The following WWOX variants were observed in gnomAD, a reference collection of about 807,000 sequenced individuals.
WWOX encodes WW domain containing oxidoreductase.
In WWOX, 69 loss-of-function variants were observed where a neutral mutation model predicts 46.2. The observed-to-expected ratio is 1.49, with a 90% CI of 1.23 to 1.82. WWOX has a LOEUF of 1.82. Ranked by LOEUF, WWOX falls within the 40% of genes most tolerant of loss-of-function variation. The pLI is 0.00. For synonymous variants in WWOX, 359 were observed against 202.6 expected, an observed-to-expected ratio of 1.77 and a Z score of -6.56; for missense variants, 919 against 542.6, an observed-to-expected ratio of 1.69 and a Z score of -6.89.
At position 79,052,605 on chromosome 16, in the gene WWOX, G is replaced by A. The variant is rs563589836; in HGVS notation, c.1057-159003G>A. Among the ~76,000 whole-genome samples the A allele has an allele frequency of 9.2e-5, 14 of 152,316 alleles. 3 individuals are homozygous for A. Among genetic ancestry groups the A allele is most frequent in the African/African-American group, 3.4e-4 (14 of 41,572 alleles). On this transcript the variant is annotated intron_variant, in intron 8 of 8. Coordinates refer to ENST00000566780, the MANE Select transcript of WWOX (RefSeq NM_016373.4). ...TCTTTTAAAAAGTTCTAAGTTGCTA[G>A]CCAGTCGGAACAAATACAGAATGTG... is the stretch of plus-strand genomic sequence containing the variant.
At chr16:78,531,187 A>G (rs957136109) in intron 8 of WWOX, among the ~76,000 whole-genome samples, 9 of 152,188 alleles carry the variant, frequency 5.9e-5, no homozygotes, top group South Asian at 2.1e-4. Flanking sequence ...CAGAGGTCTC[A>G]ATTTGCCTTT....
chr16:78,356,288 A>AGT (rs1490846051), intron 5 of WWOX, among the ~76,000 whole-genome samples: 1 of 150,988 alleles, frequency 6.6e-6, no homozygotes, highest in African/African-American at 2.4e-5. Context: ...TTCTTTTTCT[A>AGT]GTGTGTGTGT....
chr16:78,411,703 A>ATTCT (rs2082684952), intron 6 of WWOX, among the ~76,000 whole-genome samples: 1 of 152,234 alleles, frequency 6.6e-6, no homozygotes, highest in Non-Finnish European at 1.5e-5. Context: ...ATTCATAAAA[A>ATTCT]GTCAAGTGGG....
rs147877294 is a variant in WWOX at position 78,804,397 on chromosome 16, A to T, written c.1056+371645A>T. On this transcript the variant is annotated intron_variant, in intron 8 of 8. Coordinates refer to ENST00000566780, the MANE Select transcript of WWOX (RefSeq NM_016373.4). The stretch of plus-strand genomic sequence containing the variant: ...AAATTAACAGCTCTTGGAGGTAGGA[A>T]AAAAGGCGCTCAGCCAAATTAAAAA... Among the ~76,000 whole-genome samples, 40 of 152,244 alleles carry T rather than the reference A, an allele frequency of 2.6e-4. 1 individual carries two copies. Among genetic ancestry groups the T allele is most frequent in the South Asian group, 6.2e-4 (3 of 4,810 alleles).
intron 8 of WWOX, among the ~76,000 whole-genome samples, chr16:78,555,819 AT>A (rs1289510198): frequency 8.5e-5 from 13 of 152,298 alleles, no homozygotes; most frequent in Admixed American, 5.9e-4. Flanking sequence ...CTTCTGAGCC[AT>A]GCCAATAAGA....
intron 8 of WWOX, among the ~76,000 whole-genome samples, chr16:78,630,882 C>A (rs920057502): frequency 5.3e-5 from 8 of 151,832 alleles, no homozygotes; most frequent in Non-Finnish European, 1.0e-4. Context: ...GTCAGCCCCC[C>A]TCTCTCTGGG....
chr16:79,211,657 A>T lies in WWOX; in HGVS notation c.1106A>T (p.Glu369Val). The T allele has an allele frequency of 6.2e-7, 1 of 1,614,158 alleles. No individual in the cohort carries two copies. Among genetic ancestry groups the T allele is most frequent in the Non-Finnish European group, 8.5e-7 (1 of 1,180,024 alleles). ...TACTGTGCTGCTGTCCCAGAACTGG[A>T]GGGTCTGGGAGGGATGTACTTCAAC... ...TVYCAAVPEL[E>V]GLGGMYFNNC... is the part of the protein sequence containing the mutation. Residue 369 changes from glutamate to valine, a missense_variant, in exon 9 of 9, where the codon GAG becomes GTG. Glu to Val is a moderately radical substitution (Grantham distance 121, BLOSUM62 -2). Transcript: ENST00000566780.
intron 8 of WWOX, among the ~76,000 whole-genome samples, chr16:78,944,596 C>G (rs910343389): frequency 2.0e-5 from 3 of 152,308 alleles, no homozygotes; most frequent in Non-Finnish European, 4.4e-5. Context: ...TTGAGTGACT[C>G]TTTCCCAAAG....
chr16:78,381,198 C>G (rs145134604), intron 5 of WWOX, among the ~76,000 whole-genome samples: 2 of 152,152 alleles, frequency 1.3e-5, no homozygotes, highest in Non-Finnish European at 2.9e-5. Context: ...CAGGCAGTAT[C>G]GCATCAGAGT....
chr16:78,550,577 C>G (rs2044149819), intron 8 of WWOX, among the ~76,000 whole-genome samples: 1 of 152,156 alleles, frequency 6.6e-6, no homozygotes, highest in African/African-American at 2.4e-5. Flanking sequence ...ATATTTTCTA[C>G]TATGGATGAA....
chr16:78,688,413 C>T (rs2047910674), intron 8 of WWOX, among the ~76,000 whole-genome samples: 2 of 150,942 alleles, frequency 1.3e-5, no homozygotes, highest in Admixed American at 6.6e-5. Context: ...TTTTTCAGGT[C>T]CTGATGCACT....
chr16:78,386,334 CT>C (rs1290660040), intron 5 of WWOX, among the ~76,000 whole-genome samples: 1 of 152,118 alleles, frequency 6.6e-6, no homozygotes, highest in East Asian at 1.9e-4. Flanking sequence ...AGGGTGTTGC[CT>C]TTGGGATCGA....
chr16:79,167,107 A>G (rs1823831822), intron 8 of WWOX, among the ~76,000 whole-genome samples: 1 of 151,908 alleles, frequency 6.6e-6, no homozygotes, highest in South Asian at 2.1e-4. Flanking sequence ...CGGCCGGCTA[A>G]TTTTTTTGTA....
chr16:78,706,834 T>G (rs560251092), intron 8 of WWOX, among the ~76,000 whole-genome samples: 1 of 152,190 alleles, frequency 6.6e-6, no homozygotes, highest in East Asian at 1.9e-4. Flanking sequence ...TCTCACTTTA[T>G]CACCCAGTCT....
chr16:78,148,694 G>A (rs2151717409), intron 4 of WWOX, among the ~76,000 whole-genome samples: 1 of 151,814 alleles, frequency 6.6e-6, no homozygotes, highest in African/African-American at 2.4e-5. Context: ...TCAGGAGATC[G>A]AGACCATCCT....
At chr16:79,172,001 A>G (rs1198491524) in intron 8 of WWOX, among the ~76,000 whole-genome samples, 1 of 152,182 alleles carries the variant, frequency 6.6e-6, no homozygotes, top group Non-Finnish European at 1.5e-5. Flanking sequence ...CAGACAGGTC[A>G]TCCTGACTCT....
At chr16:78,851,691 G>T (rs538858762) in intron 8 of WWOX, among the ~76,000 whole-genome samples, 1 of 152,154 alleles carries the variant, frequency 6.6e-6, no homozygotes, top group African/African-American at 2.4e-5. Flanking sequence ...AATACAAGGT[G>T]ACTCCAAATA....
chr16:78,755,002 C>A (rs1167934082), intron 8 of WWOX, among the ~76,000 whole-genome samples: 6 of 145,768 alleles, frequency 4.1e-5, no homozygotes, highest in Admixed American at 2.2e-4. Context: ...ACAATGAGAA[C>A]ACGTGGACAA....
chr16:79,096,661 C>G (rs2049080728), intron 8 of WWOX, among the ~76,000 whole-genome samples: 1 of 152,176 alleles, frequency 6.6e-6, no homozygotes. Context: ...GCCATCAATC[C>G]AAGCACAATT....
Sources: gnomAD v4.1 joint callset for allele counts (sites outside exome capture counted in the v4.1 genomes callset) on GRCh38, gnomAD v4.1.1 for gene constraint, MANE v1.5 for transcripts, NCBI Gene and HGNC (gene_info 2026-07-23, HGNC 2026-07-21) for gene names.